Variants in FNDC3B observed in about 807,000 individuals in gnomAD.
The protein encoded by FNDC3B is fibronectin type III domain containing 3B.
In FNDC3B, 12 loss-of-function variants were observed where a neutral mutation model predicts 151.5. The observed-to-expected ratio is 0.08, with a 90% CI of 0.05 to 0.13. FNDC3B has a LOEUF of 0.13. Among genes scored for constraint, FNDC3B ranks in the 10% least tolerant of loss-of-function variants. The pLI is 1.00. For synonymous variants in FNDC3B, 528 were observed against 549.0 expected (o/e 0.96, Z 0.54); for missense variants, 1,214 against 1,505.3 (o/e 0.81, Z 3.20).
intron 23 of FNDC3B, among the ~76,000 whole-genome samples, chr3:172,376,574 G>A (rs1470028045): frequency 6.6e-6 from 1 of 152,174 alleles, no homozygotes; most frequent in Non-Finnish European, 1.5e-5. Context: ...ATAAATAGCT[G>A]TTTGGCTCTG....
In FNDC3B at chr3:172,166,560, C is replaced by T. The variant is rs1020377501; in HGVS notation, c.187+33014C>T. Among the ~76,000 whole-genome samples the T allele has an allele frequency of 7.2e-5, 11 of 152,228 alleles. No individual in the cohort carries two copies. In the South Asian group the frequency reaches 1.9e-3, roughly 26 times the overall value. ...TTCATTTTTCTCTAAAGAATAATTA[C>T]GACCATCTAAGGTAATAGCTAAAGA... On this transcript the variant is annotated intron_variant, in intron 3 of 25. Transcript: ENST00000415807.
intron 1 of FNDC3B, among the ~76,000 whole-genome samples, chr3:172,087,094 A>G (rs1718585913): frequency 1.3e-5 from 2 of 152,244 alleles, no homozygotes; most frequent in Non-Finnish European, 2.9e-5. Context: ...AAAACAGTGT[A>G]GAATCCAAAC....
At chr3:172,223,745 G>A (rs866440321) in intron 3 of FNDC3B, among the ~76,000 whole-genome samples, 1 of 152,074 alleles carries the variant, frequency 6.6e-6, no homozygotes. Flanking sequence ...TGTTGCATGG[G>A]TGTGGAATAT....
At chr3:172,152,371 G>A (rs1044515161) in intron 3 of FNDC3B, among the ~76,000 whole-genome samples, 1 of 152,158 alleles carries the variant, frequency 6.6e-6, no homozygotes, top group Non-Finnish European at 1.5e-5. Context: ...CTAAGTAGTA[G>A]CGCAGTGCCT....
intron 1 of FNDC3B, among the ~76,000 whole-genome samples, chr3:172,095,072 T>C (rs1719032012): frequency 6.6e-6 from 1 of 152,134 alleles, no homozygotes; most frequent in African/African-American, 2.4e-5. Context: ...TTTAAAATAC[T>C]CGGCAATTTT....
intron 1 of FNDC3B, among the ~76,000 whole-genome samples, chr3:172,082,950 G>A (rs572543147): frequency 1.3e-5 from 2 of 152,272 alleles, no homozygotes; most frequent in South Asian, 2.1e-4. Context: ...TATGAAGTAC[G>A]ATATTTCATG....
intron 6 of FNDC3B, among the ~76,000 whole-genome samples, chr3:172,284,273 T>G (rs1048598771): frequency 6.6e-6 from 1 of 152,158 alleles, no homozygotes; most frequent in Non-Finnish European, 1.5e-5. Flanking sequence ...TTTTAATGCG[T>G]TATGAAAACA....
At chr3:172,271,041 T>C (rs894328813) in intron 6 of FNDC3B, among the ~76,000 whole-genome samples, 1 of 152,220 alleles carries the variant, frequency 6.6e-6, no homozygotes, top group East Asian at 1.9e-4. Flanking sequence ...TGTGGTCTTG[T>C]ATTTCCTTCC....
At chr3:172,088,743 C>T (rs982606046) in intron 1 of FNDC3B, among the ~76,000 whole-genome samples, 2 of 152,070 alleles carry the variant, frequency 1.3e-5, no homozygotes, top group African/African-American at 4.8e-5. Flanking sequence ...ATAGTGAAAT[C>T]TAAAAAAGAA....
chr3:172,341,124 G>A lies in FNDC3B; in HGVS notation c.1864G>A (p.Glu622Lys). ...GTCTTGTTTTACAGCGAATCAGTGG[G>A]AAGTGGCCTACAGTGGGTCGGCTAC... The part of the protein sequence containing the change: ...TDGNSEANQW[E>K]VAYSGSATEY... Residue 622 changes from glutamate to lysine, a missense_variant, in exon 17 of 26, where the codon GAA becomes AAA. By Grantham distance (56) the Glu-to-Lys change is moderately conservative. Coordinates refer to ENST00000415807, the MANE Select transcript of FNDC3B (RefSeq NM_022763.4). The A allele has an allele frequency of 6.2e-7, 1 of 1,613,056 alleles. No homozygotes were observed. Among genetic ancestry groups the A allele is most frequent in the Non-Finnish European group, 8.5e-7 (1 of 1,178,986 alleles).
chr3:172,112,023 A>C (rs897022434), intron 1 of FNDC3B, among the ~76,000 whole-genome samples: 1 of 152,236 alleles, frequency 6.6e-6, no homozygotes, highest in African/African-American at 2.4e-5. Flanking sequence ...ATAGGAATTA[A>C]CTGTTATTTT....
intron 4 of FNDC3B, among the ~76,000 whole-genome samples, chr3:172,241,169 C>T (rs1727471258): frequency 6.6e-6 from 1 of 152,114 alleles, no homozygotes; most frequent in Non-Finnish European, 1.5e-5. Context: ...TGTTTTAAAT[C>T]AGGCAAGGCT....
chr3:172,367,974 A>G (rs1449149263), intron 23 of FNDC3B, among the ~76,000 whole-genome samples: 2 of 152,222 alleles, frequency 1.3e-5, no homozygotes, highest in African/African-American at 2.4e-5. Flanking sequence ...TGTCATGTTT[A>G]CAGGGAGCCT....
chr3:172,391,999 T>G (rs1441624172), intron 25 of FNDC3B, among the ~76,000 whole-genome samples: 1 of 151,976 alleles, frequency 6.6e-6, no homozygotes, highest in Non-Finnish European at 1.5e-5. Context: ...AAAAAATGGC[T>G]ATTGTTTTCC....
At position 172,329,073 on chromosome 3, in the gene FNDC3B, C is replaced by T. The variant is rs1490685603; in HGVS notation, c.1376C>T (p.Thr459Ile). 1.1e-5 allele frequency: 18 copies of T among 1,611,230 alleles called. No individual in the cohort carries two copies. Among genetic ancestry groups the T allele is most frequent in the Non-Finnish European group, 1.5e-5 (18 of 1,178,456 alleles). ...CTGGCCGCTCGAAACGACATTGGTA[C>T]CAGGTATGACGTTTCCTTGTCCTCT... ...FRLAARNDIG[T>I]SGYSQEVVCY... The change falls in exon 12 of 26, where the codon ACC (threonine) becomes ATC (isoleucine). Residue 459 changes from threonine to isoleucine, a missense_variant. Physicochemically the swap from Thr to Ile is moderately conservative, Grantham distance 89. Coordinates refer to ENST00000415807, the MANE Select transcript of FNDC3B (RefSeq NM_022763.4).
intron 22 of FNDC3B, among the ~76,000 whole-genome samples, chr3:172,358,954 T>TTGGTGGTGGTGGTGGTGGTGGTGGTGG (rs60325692): frequency 2.5e-5 from 2 of 80,610 alleles, no homozygotes; most frequent in South Asian, 6.7e-4. Context: ...CACAGTTTTC[T>TTGGTGGTGGTGGTGGTGGTGGTGGTGG]TGGTGGTGGT....
At chr3:172,269,495 C>T (rs1729085822) in intron 6 of FNDC3B, among the ~76,000 whole-genome samples, 1 of 150,614 alleles carries the variant, frequency 6.6e-6, no homozygotes, top group East Asian at 2.0e-4. Flanking sequence ...GTTTTGAACT[C>T]CTGGCCTCAA....
chr3:172,227,190 T>G (rs1241239831), intron 4 of FNDC3B: 1 of 366,036 alleles, frequency 2.7e-6, no homozygotes, highest in Non-Finnish European at 5.0e-6. Flanking sequence ...GGTTTTTATA[T>G]TTGATTGTTT....
rs375564063 is a variant in FNDC3B, at chr3:172,108,099, C to T, written c.-28-4353C>T. Reference sequence around the variant, plus strand: ...AGGAGAATAGCTTGAACCCAGGAGGCGGAGTTTGTGGTGAGCTGAGATCAC... The same window carrying T: ...AGGAGAATAGCTTGAACCCAGGAGGTGGAGTTTGTGGTGAGCTGAGATCAC... On this transcript the variant is annotated intron_variant, in intron 1 of 25. Transcript: ENST00000415807. Among the ~76,000 whole-genome samples the T allele has an allele frequency of 3.3e-5, 5 of 151,318 alleles. No individual in the cohort carries two copies. The East Asian group carries it at 5.8e-4, about 18-fold the overall frequency.
Sources: allele counts gnomAD v4.1 joint callset (sites outside exome capture counted in the v4.1 genomes callset), GRCh38; gene constraint gnomAD v4.1.1; transcripts MANE v1.5; gene names NCBI Gene and HGNC (gene_info 2026-07-23, HGNC 2026-07-21).